The following GPR39 variants were observed in gnomAD, a reference collection of about 807,000 sequenced individuals.
GPR39 encodes the protein zinc sensing receptor.
A neutral mutation model predicts 18.4 loss-of-function variants in GPR39; 23 were observed. The observed-to-expected ratio is 1.25, with a 90% CI of 0.90 to 1.77. The LOEUF (loss-of-function observed/expected upper bound fraction) is 1.77. GPR39 is among the 40% of genes most tolerant of loss of function. The pLI is 0.00. For synonymous variants in GPR39, 280 were observed against 257.9 expected (o/e 1.09, Z -0.82); for missense variants, 647 against 602.4 (o/e 1.07, Z -0.78).
chr2:132,586,576 A>G (rs1444642226), intron 1 of GPR39, among the ~76,000 whole-genome samples: 1 of 152,194 alleles, frequency 6.6e-6, no homozygotes, highest in Non-Finnish European at 1.5e-5. Flanking sequence ...ATCAACTCCC[A>G]CTTTCCTGGA....
intron 1 of GPR39, among the ~76,000 whole-genome samples, chr2:132,550,558 A>G (rs1315908880): frequency 1.3e-5 from 2 of 152,226 alleles, no homozygotes; most frequent in Non-Finnish European, 2.9e-5. Context: ...TAGAATGTCA[A>G]CTGTAGTGGC....
intron 1 of GPR39, among the ~76,000 whole-genome samples, chr2:132,612,645 G>GT (rs1681256197): frequency 1.3e-5 from 2 of 152,132 alleles, no homozygotes; most frequent in Admixed American, 1.3e-4. Context: ...TAAATCAGGT[G>GT]ACCTTATATG....
chr2:132,489,382 G>T (rs974904245), intron 1 of GPR39, among the ~76,000 whole-genome samples: 1 of 152,106 alleles, frequency 6.6e-6, no homozygotes, highest in Non-Finnish European at 1.5e-5. Context: ...CTCCTGGGCC[G>T]GGGACTTGCT....
intron 1 of GPR39, among the ~76,000 whole-genome samples, chr2:132,492,205 A>G (rs1027120756): frequency 2.7e-5 from 4 of 145,864 alleles, no homozygotes; most frequent in African/African-American, 7.5e-5. Context: ...CCATATATAT[A>G]CCATATATAT....
chr2:132,554,953 A>ATTT (rs10717046), intron 1 of GPR39, among the ~76,000 whole-genome samples: 1 of 146,936 alleles, frequency 6.8e-6, no homozygotes, highest in African/African-American at 2.5e-5. Context: ...ACTTTCAACC[A>ATTT]TTTTTTTTTT....
In GPR39 at chr2:132,492,728, CAT is replaced by C. The variant is rs756454266; in HGVS notation, c.856+74840_856+74841del. ...ATATATATACACACCATATATATAC[CAT>C]ATATATATACACACCATGTATATAC... On this transcript the variant is annotated intron_variant, in intron 1 of 1. Transcript: ENST00000329321. 3.6e-3 allele frequency among the ~76,000 whole-genome samples: 237 copies of C among 65,260 alleles called. 1 individual carries two copies. Among genetic ancestry groups the C allele is most frequent in the African/African-American group, 8.0e-3 (207 of 25,818 alleles). The allele number at this position is 65,260 out of a possible 152,430, so 42.8% of individuals were successfully genotyped here. A position where few individuals can be genotyped will look rare whatever the true frequency, so the allele number is the denominator to read the frequency against.
Position 132,615,467 on chromosome 2 carries a change from C to G in GPR39, c.857-29634C>G, listed in dbSNP as rs558534258. Among the ~76,000 whole-genome samples the G allele has an allele frequency of 2.0e-5, 3 of 152,274 alleles. 1 individual carries two copies. The highest frequency in any genetic ancestry group is 2.0e-4 in the Admixed American group (3 of 15,298). On this transcript the variant is annotated intron_variant, in intron 1 of 1. Coordinates refer to ENST00000329321, the MANE Select transcript of GPR39 (RefSeq NM_001508.3). The stretch of plus-strand genomic sequence containing the variant: ...TTTCACCCCATGCAGAAGGGCTGAG[C>G]AGCAGAGCAGCTCCCAACAGAGACT...
At chr2:132,522,642 G>A (rs1350772728) in intron 1 of GPR39, among the ~76,000 whole-genome samples, 1 of 152,184 alleles carries the variant, frequency 6.6e-6, no homozygotes, top group Non-Finnish European at 1.5e-5. Flanking sequence ...CAGCAAGATT[G>A]GGCCCATAAT....
intron 1 of GPR39, among the ~76,000 whole-genome samples, chr2:132,555,374 C>T (rs1262604137): frequency 1.3e-5 from 2 of 152,162 alleles, no homozygotes; most frequent in Non-Finnish European, 2.9e-5. Flanking sequence ...TGCTGTGTTT[C>T]AGGGTCTTTC....
chr2:132,482,036 A>G (rs1050779298), intron 1 of GPR39, among the ~76,000 whole-genome samples: 1 of 152,118 alleles, frequency 6.6e-6, no homozygotes, highest in African/African-American at 2.4e-5. Context: ...CATCACTTGC[A>G]AGTCCTTCTC....
intron 1 of GPR39, among the ~76,000 whole-genome samples, chr2:132,466,977 T>A (rs1680938332): frequency 6.6e-6 from 1 of 152,206 alleles, no homozygotes; most frequent in Non-Finnish European, 1.5e-5. Flanking sequence ...TATATTTTTT[T>A]AACATTTTTA....
intron 1 of GPR39, among the ~76,000 whole-genome samples, chr2:132,436,686 C>T (rs1054062018): frequency 9.9e-5 from 15 of 152,056 alleles, no homozygotes; most frequent in African/African-American, 3.6e-4. Flanking sequence ...TAAAGAGCCC[C>T]CCGGCTTGAA....
chr2:132,463,789 G>A (rs961385878), intron 1 of GPR39, among the ~76,000 whole-genome samples: 36 of 152,222 alleles, frequency 2.4e-4, no homozygotes, highest in Non-Finnish European at 5.0e-4. Context: ...TGAATTGACA[G>A]TTAATGTCTC....
At chr2:132,499,373 A>G (rs1051094110) in intron 1 of GPR39, among the ~76,000 whole-genome samples, 1 of 152,062 alleles carries the variant, frequency 6.6e-6, no homozygotes, top group African/African-American at 2.4e-5. Context: ...GGCTGTAAGC[A>G]TTTGGCTTGA....
At chr2:132,472,098 C>A (rs1453506811) in intron 1 of GPR39, among the ~76,000 whole-genome samples, 1 of 152,136 alleles carries the variant, frequency 6.6e-6, no homozygotes, top group Non-Finnish European at 1.5e-5. Flanking sequence ...TAGATCAGCA[C>A]TGGTGAGCAG....
intron 1 of GPR39, among the ~76,000 whole-genome samples, chr2:132,556,636 A>G (rs1680157281): frequency 6.6e-6 from 1 of 152,208 alleles, no homozygotes; most frequent in Non-Finnish European, 1.5e-5. Flanking sequence ...AGGTAGCTAA[A>G]GTGATAGGAT....
At chr2:132,513,066 G>T (rs532661069) in intron 1 of GPR39, among the ~76,000 whole-genome samples, 1 of 151,760 alleles carries the variant, frequency 6.6e-6, no homozygotes, top group Non-Finnish European at 1.5e-5. Flanking sequence ...CTCCTGGGTC[G>T]GTTCTGTTCA....
At chr2:132,573,890 C>T (rs1680484769) in intron 1 of GPR39, among the ~76,000 whole-genome samples, 2 of 152,116 alleles carry the variant, frequency 1.3e-5, no homozygotes, top group African/African-American at 4.8e-5. Flanking sequence ...TTTTTGCAGC[C>T]CCAGCAAAAG....
At chr2:132,487,671 G>A (rs1681368497) in intron 1 of GPR39, among the ~76,000 whole-genome samples, 2 of 152,228 alleles carry the variant, frequency 1.3e-5, no homozygotes, top group Admixed American at 1.3e-4. Context: ...AGATTTAACA[G>A]CCAATTAGAC....
Sources: gnomAD v4.1 joint callset for allele counts (sites outside exome capture counted in the v4.1 genomes callset) on GRCh38, gnomAD v4.1.1 for gene constraint, MANE v1.5 for transcripts, NCBI Gene and HGNC (gene_info 2026-07-23, HGNC 2026-07-21) for gene names.